NFXL1: variants seen among roughly 807,000 people sequenced by gnomAD.
NFXL1 encodes the protein nuclear transcription factor, X-box binding like 1.
Under a neutral mutation model 123.3 loss-of-function variants are expected in NFXL1, and 66 were observed. The ratio of observed to expected loss-of-function variants is 0.54; its 90% CI spans 0.44 to 0.66. The LOEUF is 0.66. Among genes scored for constraint, NFXL1 ranks in the 30% least tolerant of loss-of-function variants. The pLI, the probability that NFXL1 is intolerant of heterozygous loss-of-function variation, is 0.00. For synonymous variants in NFXL1, 346 were observed against 360.8 expected, an observed-to-expected ratio of 0.96 and a Z score of 0.46; for missense variants, 944 against 1,125.6, an observed-to-expected ratio of 0.84 and a Z score of 2.31.
At chr4:47,859,915 C>T (rs900639198) in intron 19 of NFXL1, among the ~76,000 whole-genome samples, 2 of 132,024 alleles carry the variant, frequency 1.5e-5, no homozygotes, top group Non-Finnish European at 1.6e-5. Flanking sequence ...CTCACTCATA[C>T]GTGAAATATA....
intron 10 of NFXL1, among the ~76,000 whole-genome samples, chr4:47,896,018 A>C (rs1216354314): frequency 6.6e-6 from 1 of 152,214 alleles, no homozygotes; most frequent in Admixed American, 6.6e-5. Flanking sequence ...AGAGGGAAAG[A>C]GAATGGGGAA....
chr4:47,880,807 TAAAAAAA>T (rs57880960), intron 15 of NFXL1, among the ~76,000 whole-genome samples: 16 of 78,832 alleles, frequency 2.0e-4, no homozygotes, highest in African/African-American at 7.0e-4. Flanking sequence ...AATTAATGAG[TAAAAAAA>T]AAAAAAAAAA....
In NFXL1 at chr4:47,902,625, T is replaced by C. The variant is rs767298705; in HGVS notation, c.647+568A>G. On this transcript the variant is annotated intron_variant, in intron 5 of 22. Coordinates refer to ENST00000507489, the MANE Select transcript of NFXL1 (RefSeq NM_001278624.2). ...GAATGATTCTCAGTCCTAAAGAAAATTGAAAGTCCTTTCAAAGGATAATTA... is the reference window on the plus strand; with the variant it reads ...GAATGATTCTCAGTCCTAAAGAAAACTGAAAGTCCTTTCAAAGGATAATTA... 4.6e-5 allele frequency among the ~76,000 whole-genome samples: 7 copies of C among 151,974 alleles called. No homozygotes were observed. In the South Asian group the frequency reaches 6.2e-4, roughly 13 times the overall value.
At chr4:47,851,674 G>C (rs1000345265) in intron 21 of NFXL1, among the ~76,000 whole-genome samples, 182 bp downstream of exon 21, 2 of 151,914 alleles carry the variant, frequency 1.3e-5, no homozygotes, top group African/African-American at 2.4e-5. Context: ...AAGATGAAAA[G>C]CCTTCATATA....
intron 19 of NFXL1, among the ~76,000 whole-genome samples, chr4:47,862,346 A>G (rs1223639719): frequency 6.6e-6 from 1 of 152,208 alleles, no homozygotes; most frequent in Non-Finnish European, 1.5e-5. Flanking sequence ...TGGTACCAAC[A>G]CAAAAGGCCA....
At chr4:47,852,194 T>C (rs1444129554) in intron 20 of NFXL1, 6 of 391,936 alleles carry the variant, frequency 1.5e-5, no homozygotes, top group Non-Finnish European at 2.3e-5. Context: ...TGTGCCACTA[T>C]TGGACTTAGC....
chr4:47,886,094 ATACTC>A, intron 12 of NFXL1, 95 bp from the exon 13 acceptor site: 1 of 1,060,164 alleles, frequency 9.4e-7, no homozygotes, highest in East Asian at 2.4e-5. Context: ...ACACAATGGG[ATACTC>A]TACAACAAGA....
chr4:47,865,064 C>T (rs964092899), intron 18 of NFXL1, among the ~76,000 whole-genome samples: 1 of 152,152 alleles, frequency 6.6e-6, no homozygotes, highest in African/African-American at 2.4e-5. Context: ...AATTAGAGGA[C>T]ACCCAGCTGG....
intron 19 of NFXL1, 97 bp downstream of exon 19, chr4:47,862,749 G>A (rs1240822920): frequency 1.3e-5 from 10 of 751,614 alleles, no homozygotes; most frequent in Non-Finnish European, 2.3e-5. Flanking sequence ...AGATACAACA[G>A]AGAAGACCTG....
intron 3 of NFXL1, among the ~76,000 whole-genome samples, chr4:47,905,679 A>G (rs1737536180): frequency 6.6e-6 from 1 of 151,098 alleles, no homozygotes; most frequent in Admixed American, 6.6e-5. Context: ...AAGGAAAAGC[A>G]AAGTGTGAAA....
At chr4:47,911,467 C>T (rs1737825185) in intron 2 of NFXL1, among the ~76,000 whole-genome samples, 1 of 152,146 alleles carries the variant, frequency 6.6e-6, no homozygotes, top group Non-Finnish European at 1.5e-5. Flanking sequence ...CACGACGGCC[C>T]AGCCCAGTCC....
chr4:47,904,895 C>T (rs946961247), intron 4 of NFXL1, among the ~76,000 whole-genome samples: 4 of 115,824 alleles, frequency 3.5e-5, no homozygotes, highest in South Asian at 3.1e-4. Flanking sequence ...AGATAGGGAC[C>T]GTATCTTTTT....
intron 19 of NFXL1, among the ~76,000 whole-genome samples, chr4:47,858,888 T>C (rs1017708168): frequency 2.3e-4 from 35 of 152,348 alleles, no homozygotes; most frequent in African/African-American, 8.2e-4. Context: ...TAGGTATATA[T>C]GTGATATTTC....
chr4:47,899,117 G>A lies in NFXL1; in HGVS notation c.830C>T (p.Pro277Leu). 2.6e-6 allele frequency: 4 copies of A among 1,558,958 alleles called. No homozygotes were observed. The highest frequency in any genetic ancestry group is 3.5e-6 in the Non-Finnish European group (4 of 1,155,598). ...GACCATCTTTGGACAAGGAGGGCAG[G>A]GACCTAGAATTCAGTAAAAGCAAAA... ...HKCLLLCHPG[P>L]CPPCPKMVTT... Residue 277 changes from proline to leucine, a missense_variant, in exon 7 of 23, where the codon CCC (proline) becomes CTC (leucine). This residue lies in a region of NFXL1 where 296 missense variants were observed against 395.1 expected (regional missense o/e 0.75). Transcript: ENST00000507489.
At chr4:47,880,126 T>C (rs986732677) in intron 15 of NFXL1, among the ~76,000 whole-genome samples, 3 of 152,100 alleles carry the variant, frequency 2.0e-5, no homozygotes, top group Admixed American at 6.6e-5. Context: ...CTGGGTGCAG[T>C]GGCTCACACC....
intron 18 of NFXL1, among the ~76,000 whole-genome samples, chr4:47,863,281 T>A (rs1395319121): frequency 1.3e-5 from 2 of 152,286 alleles, no homozygotes; most frequent in South Asian, 2.1e-4. Context: ...CATAAAAAAA[T>A]TTAAAACTAA....
chr4:47,913,244 G>T (rs1372330324), intron 2 of NFXL1, among the ~76,000 whole-genome samples: 1 of 152,028 alleles, frequency 6.6e-6, no homozygotes, highest in East Asian at 1.9e-4. Context: ...TTATTCCCTC[G>T]GCCCCATGCA....
rs751096786 is a variant in NFXL1, at chr4:47,899,405, G to C, written c.791C>G (p.Pro264Arg). Residue 264 changes from proline (P) to arginine (R), a missense_variant, in exon 6 of 23, where the codon CCT becomes CGT. By Grantham distance (103) the Pro-to-Arg change is moderately radical. This residue lies in a region of NFXL1 where 296 missense variants were observed against 395.1 expected (regional missense o/e 0.75). Transcript: ENST00000507489. Reference protein sequence around the residue: ...GQVCEREFKPPCGHKCLLLCH... With the variant: ...GQVCEREFKPRCGHKCLLLCH... ...GAGGAGTAAACATTTATGGCCACAA[G>C]GAGGTTTAAATTCACGCTCACATAC... 1.7e-5 allele frequency: 28 copies of C among 1,613,802 alleles called. No homozygotes were observed. The highest frequency in any genetic ancestry group is 8.3e-5 in the Admixed American group (5 of 59,984).
intron 18 of NFXL1, among the ~76,000 whole-genome samples, chr4:47,863,183 G>A (rs538697073): frequency 2.5e-4 from 38 of 152,036 alleles, no homozygotes; most frequent in African/African-American, 8.7e-4. Flanking sequence ...ATATCATCTG[G>A]GCCTGGCCTC....
Sources: allele counts gnomAD v4.1 joint callset (sites outside exome capture counted in the v4.1 genomes callset), GRCh38; gene constraint gnomAD v4.1.1; regional missense constraint gnomAD v4.1.1; transcripts MANE v1.5; gene names NCBI Gene and HGNC (gene_info 2026-07-23, HGNC 2026-07-21).